The following PRICKLE1 variants were observed in gnomAD, a reference collection of about 807,000 sequenced individuals.
PRICKLE1 encodes prickle planar cell polarity protein 1.
PRICKLE1 carries 14 observed loss-of-function variants against 70.2 expected under a neutral mutation model. The observed-to-expected ratio is 0.20, with a 90% CI of 0.13 to 0.31. The LOEUF is 0.31. PRICKLE1 is among the 10% of genes least tolerant of loss of function. PRICKLE1 has a pLI of 1.00. For missense variants in PRICKLE1, 821 were observed against 1,026.2 expected (o/e 0.80, Z 2.73); for synonymous variants, 357 against 379.9 (o/e 0.94, Z 0.70).
At chr12:42,500,182 A>C (rs184593246) in intron 1 of PRICKLE1, among the ~76,000 whole-genome samples, 16 of 152,348 alleles carry the variant, frequency 1.1e-4, no homozygotes, top group African/African-American at 3.4e-4. Context: ...TATACAGCAC[A>C]AAGGCCAAAA....
chr12:42,567,789 T>C (rs1325579682), intron 1 of PRICKLE1, among the ~76,000 whole-genome samples: 1 of 124,244 alleles, frequency 8.0e-6, no homozygotes, highest in African/African-American at 3.1e-5. Context: ...ATCGTGCCAC[T>C]TCATCTCAAA....
At chr12:42,511,921 T>C (rs934695807) in intron 1 of PRICKLE1, among the ~76,000 whole-genome samples, 4 of 152,210 alleles carry the variant, frequency 2.6e-5, no homozygotes, top group Non-Finnish European at 5.9e-5. Flanking sequence ...TCTTTTGTAT[T>C]TTGCAAAGAG....
At chr12:42,521,834 T>C (rs1235519433) in intron 1 of PRICKLE1, among the ~76,000 whole-genome samples, 2 of 152,116 alleles carry the variant, frequency 1.3e-5, no homozygotes, top group Non-Finnish European at 2.9e-5. Flanking sequence ...CATAAAGCAA[T>C]AGTGAAGAGT....
intron 1 of PRICKLE1, among the ~76,000 whole-genome samples, chr12:42,574,906 CTT>C (rs879386873): frequency 7.1e-5 from 9 of 127,612 alleles, no homozygotes; most frequent in Admixed American, 2.5e-4. Context: ...CTTGGTAAAG[CTT>C]TTTTTTTTTT....
chr12:42,465,936 C>T, intron 6 of PRICKLE1: 1 of 542,848 alleles, frequency 1.8e-6, no homozygotes, highest in Non-Finnish European at 3.3e-6. Flanking sequence ...ACCCTGTATT[C>T]CCCCATGAGC....
chr12:42,544,142 T>C (rs1361162542), intron 1 of PRICKLE1, among the ~76,000 whole-genome samples: 1 of 152,198 alleles, frequency 6.6e-6, no homozygotes, highest in African/African-American at 2.4e-5. Flanking sequence ...GGACCTGCAC[T>C]GTTCAAACCT....
At chr12:42,568,160 T>TAGTAAAA in intron 1 of PRICKLE1, among the ~76,000 whole-genome samples, 3 of 152,316 alleles carry the variant, frequency 2.0e-5, no homozygotes, top group Middle Eastern at 3.4e-3. Context: ...GGGAACACTT[T>TAGTAAAA]TTGCATTATT....
At chr12:42,479,708 G>A (rs1381087641) in intron 1 of PRICKLE1, among the ~76,000 whole-genome samples, 1 of 152,176 alleles carries the variant, frequency 6.6e-6, no homozygotes, top group Non-Finnish European at 1.5e-5. Flanking sequence ...TGTAATCCCA[G>A]CACTATAGAG....
At chr12:42,525,717 C>CTTT (rs34785466) in intron 1 of PRICKLE1, among the ~76,000 whole-genome samples, 9 of 138,542 alleles carry the variant, frequency 6.5e-5, no homozygotes, top group African/African-American at 2.1e-4. Context: ...GCTTTGTTTG[C>CTTT]TTTTTTTTTT....
At chr12:42,515,985 C>T (rs1939604133) in intron 1 of PRICKLE1, among the ~76,000 whole-genome samples, 1 of 152,134 alleles carries the variant, frequency 6.6e-6, no homozygotes, top group Middle Eastern at 3.4e-3. Flanking sequence ...CATTTTTCTC[C>T]TGCTATTTAG....
chr12:42,465,468 C>T (rs966565055), intron 6 of PRICKLE1: 21 of 585,134 alleles, frequency 3.6e-5, no homozygotes, highest in Non-Finnish European at 5.1e-5. Flanking sequence ...AACTAATATT[C>T]GCAACAGTTT....
chr12:42,540,431 TA>T (rs1940091445), intron 1 of PRICKLE1, among the ~76,000 whole-genome samples: 1 of 152,226 alleles, frequency 6.6e-6, no homozygotes, highest in Non-Finnish European at 1.5e-5. Context: ...TTAGGAGCAT[TA>T]AATGCAATAC....
intron 1 of PRICKLE1, among the ~76,000 whole-genome samples, chr12:42,548,635 G>A (rs1164597268): frequency 1.3e-5 from 2 of 152,166 alleles, no homozygotes; most frequent in African/African-American, 4.8e-5. Context: ...ACTTTCAGAA[G>A]GTACAGTCAA....
chr12:42,585,023 C>G (rs942993282), intron 1 of PRICKLE1, among the ~76,000 whole-genome samples: 2 of 151,628 alleles, frequency 1.3e-5, no homozygotes, highest in South Asian at 2.1e-4. Context: ...TGAAATAACA[C>G]AGCCCTAACT....
intron 1 of PRICKLE1, among the ~76,000 whole-genome samples, chr12:42,555,506 A>T (rs1394186866): frequency 1.3e-5 from 2 of 152,162 alleles, no homozygotes; most frequent in African/African-American, 4.8e-5. Flanking sequence ...AAAATTTAAA[A>T]CCTTTCACAA....
At chr12:42,466,675 A>C (rs1284479982) in intron 5 of PRICKLE1, among the ~76,000 whole-genome samples, 1 of 152,200 alleles carries the variant, frequency 6.6e-6, no homozygotes, top group East Asian at 1.9e-4. Flanking sequence ...TTTGCTCCCC[A>C]ATAACATTTT....
At chr12:42,465,569 C>A in intron 6 of PRICKLE1, 1 of 371,942 alleles carries the variant, frequency 2.7e-6, no homozygotes, top group Non-Finnish European at 4.9e-6. Context: ...TGTTTCAGCT[C>A]TCATACTGTA....
chr12:42,469,842 A>AAC, intron 3 of PRICKLE1: 1 of 554,800 alleles, frequency 1.8e-6, no homozygotes, highest in Non-Finnish European at 3.2e-6. Flanking sequence ...AGAATTAAAA[A>AAC]ATATATATAG....
chr12:42,472,585 A>AAC lies in PRICKLE1; in HGVS notation c.-48-23_-48-22dup. Reference sequence around the variant, plus strand: ...GGCTGCTGTGAACAATATAAGAAAAAACAAAGACATCTAAAACCTGAATGC... The same window carrying AAC: ...GGCTGCTGTGAACAATATAAGAAAAAACACAAAGACATCTAAAACCTGAATGC... On this transcript the variant is annotated intron_variant, in intron 1 of 7. Transcript: ENST00000345127. 2.5e-6 allele frequency: 4 copies of AAC among 1,598,592 alleles called. No individual in the cohort carries two copies. In the South Asian group the frequency reaches 4.4e-5, roughly 18 times the overall value.
Sources: gnomAD v4.1 joint callset for allele counts (sites outside exome capture counted in the v4.1 genomes callset) on GRCh38, gnomAD v4.1.1 for gene constraint, MANE v1.5 for transcripts, NCBI Gene and HGNC (gene_info 2026-07-23, HGNC 2026-07-21) for gene names.